Variants in MAVS observed in about 807,000 individuals in gnomAD.
MAVS encodes mitochondrial antiviral-signaling protein.
A neutral mutation model predicts 30.2 loss-of-function variants in MAVS; 20 were observed. The observed-to-expected ratio is 0.66, with a 90% CI of 0.47 to 0.96. The LOEUF (loss-of-function observed/expected upper bound fraction) is 0.96. Among genes scored for constraint, MAVS ranks in the 40% least tolerant of loss-of-function variants. The pLI is 0.00. For synonymous variants in MAVS, 278 were observed against 293.9 expected (o/e 0.95, Z 0.55); for missense variants, 624 against 701.1 (o/e 0.89, Z 1.24).
rs1328543691 is a variant in MAVS, at chr20:3,869,598, A to G, written c.*3451A>G. On this transcript the variant is annotated 3_prime_UTR_variant, in exon 7 of 7. Transcript: ENST00000428216. ...TGAGACACTGCACCCAAACCCCACC[A>G]CTTTTTTTTTTCCTTTTTCTTTTTT... The G allele has an allele frequency of 1.4e-5, 2 of 146,456 alleles. No homozygotes were observed. Among genetic ancestry groups the G allele is most frequent in the African/African-American group, 2.5e-5 (1 of 39,786 alleles). The allele number at this position is 146,456 out of a possible 1,614,324, so 9.1% of individuals were successfully genotyped here.
At chr20:3,859,918 G>A (rs567584261) in intron 3 of MAVS, among the ~76,000 whole-genome samples, 2 of 151,754 alleles carry the variant, frequency 1.3e-5, no homozygotes, top group East Asian at 2.0e-4. Flanking sequence ...CCGGGTTCAC[G>A]CCATTCTCCT....
At chr20:3,848,156 G>A (rs2089724340) in intron 1 of MAVS, among the ~76,000 whole-genome samples, 1 of 151,946 alleles carries the variant, frequency 6.6e-6, no homozygotes, top group Non-Finnish European at 1.5e-5. Flanking sequence ...CTGGAGCGCA[G>A]TGGTCCAATC....
Position 3,875,475 on chromosome 20 carries a change from T to TA in MAVS, c.*9342dup, listed in dbSNP as rs5840016. Reference sequence around the variant, plus strand: ...CTACTTCTTCAGTGCTGTTTTTATTTAAAAAAAAAAAAAACCAGCCAAAAC... The same window carrying TA: ...CTACTTCTTCAGTGCTGTTTTTATTTAAAAAAAAAAAAAAACCAGCCAAAAC... On this transcript the variant is annotated 3_prime_UTR_variant, in exon 7 of 7. Transcript: ENST00000428216. 70,253 of 145,604 alleles carry TA rather than the reference T, an allele frequency of 0.48. 18,775 individuals carry two copies. Among genetic ancestry groups the TA allele is most frequent in the Non-Finnish European group, 0.61 (40,914 of 66,664 alleles). The allele number at this position is 145,604 out of a possible 1,614,324, so 9.0% of individuals were successfully genotyped here. A position where few individuals can be genotyped will look rare whatever the true frequency, so the allele number is the denominator to read the frequency against.
rs2089982079 is a variant in MAVS, at chr20:3,875,186, G to A, written c.*9039G>A. 1 of 152,198 alleles carries A rather than the reference G, an allele frequency of 6.6e-6. No individual in the cohort carries two copies. Among genetic ancestry groups the A allele is most frequent in the Non-Finnish European group, 1.5e-5 (1 of 68,050 alleles). 9.4% of individuals were successfully genotyped at this position (152,198 alleles called of 1,614,324 possible). On this transcript the variant is annotated 3_prime_UTR_variant, in exon 7 of 7. Coordinates refer to ENST00000428216, the MANE Select transcript of MAVS (RefSeq NM_020746.5). ...CCCAGTGATTCAGGAGACTGAGGTG[G>A]GAGGATTGCTAGAAGCCAGGAGTTC...
At chr20:3,861,822 C>T (rs1054850849) in intron 4 of MAVS, among the ~76,000 whole-genome samples, 1 of 152,054 alleles carries the variant, frequency 6.6e-6, no homozygotes, top group African/African-American at 2.4e-5. Flanking sequence ...GATCTTGGCT[C>T]ACTGCAACCT....
chr20:3,859,916 A>T (rs1271030692), intron 3 of MAVS, among the ~76,000 whole-genome samples: 1 of 151,392 alleles, frequency 6.6e-6, no homozygotes, highest in Admixed American at 6.6e-5. Context: ...TCCCGGGTTC[A>T]CGCCATTCTC....
chr20:3,850,988 C>T (rs1455799085), intron 1 of MAVS, among the ~76,000 whole-genome samples: 1 of 151,842 alleles, frequency 6.6e-6, no homozygotes, highest in Non-Finnish European at 1.5e-5. Flanking sequence ...AGTTCGAGAC[C>T]AGCCTGGCCA....
intron 1 of MAVS, among the ~76,000 whole-genome samples, chr20:3,850,073 T>C: frequency 6.9e-6 from 1 of 145,976 alleles, no homozygotes; most frequent in East Asian, 2.1e-4. Flanking sequence ...GGTCAGGAGA[T>C]CGAGACCATC....
At chr20:3,863,221 G>C (rs2089879752) in intron 5 of MAVS, among the ~76,000 whole-genome samples, 1 of 152,138 alleles carries the variant, frequency 6.6e-6, no homozygotes, top group Non-Finnish European at 1.5e-5. Flanking sequence ...CCAGTGGCCT[G>C]GACTCAACTC....
intron 3 of MAVS, among the ~76,000 whole-genome samples, chr20:3,860,473 C>G (rs2089857205): frequency 6.7e-6 from 1 of 149,852 alleles, no homozygotes; most frequent in Non-Finnish European, 1.5e-5. Flanking sequence ...TTCCCAGGTT[C>G]AAGCAATTCT....
At chr20:3,848,386 A>C (rs146593300) in intron 1 of MAVS, among the ~76,000 whole-genome samples, 53 of 152,286 alleles carry the variant, frequency 3.5e-4, no homozygotes, top group African/African-American at 1.2e-3. Context: ...GGCGTGAGCC[A>C]CCGCGCCCGG....
At chr20:3,853,558 C>T (rs1486146454) in intron 1 of MAVS, among the ~76,000 whole-genome samples, 1 of 151,706 alleles carries the variant, frequency 6.6e-6, no homozygotes, top group South Asian at 2.1e-4. Flanking sequence ...ACTTGACAGG[C>T]GGAGGCAGGG....
intron 3 of MAVS, 104 bp from the exon 4 acceptor site, chr20:3,861,228 C>T (rs1276153701): frequency 1.4e-5 from 15 of 1,100,272 alleles, no homozygotes; most frequent in South Asian, 7.6e-5. Flanking sequence ...GATCTGACCT[C>T]GTGATCTGCC....
intron 3 of MAVS, among the ~76,000 whole-genome samples, chr20:3,859,702 C>G (rs958009322): frequency 6.6e-6 from 1 of 151,922 alleles, no homozygotes; most frequent in Non-Finnish European, 1.5e-5. Flanking sequence ...ACTGCTGACA[C>G]GGCGTGGGTG....
chr20:3,853,212 C>T (rs563323915), intron 1 of MAVS, among the ~76,000 whole-genome samples: 43 of 144,772 alleles, frequency 3.0e-4, no homozygotes, highest in East Asian at 9.0e-4. Context: ...GGCGGCCGGG[C>T]GCGGTGGCTC....
intron 1 of MAVS, among the ~76,000 whole-genome samples, chr20:3,853,252 C>T (rs1224630465): frequency 2.7e-5 from 4 of 149,644 alleles, no homozygotes; most frequent in South Asian, 2.1e-4. Context: ...TTTGGGAGGC[C>T]GAGGCGGGCG....
At position 3,868,431 on chromosome 20, in the gene MAVS, T is replaced by C. The variant is rs1191565867; in HGVS notation, c.*2284T>C. The C allele has an allele frequency of 1.3e-5, 2 of 152,078 alleles. No individual in the cohort carries two copies. The highest frequency in any genetic ancestry group is 4.8e-5 in the African/African-American group (2 of 41,378). The allele number at this position is 152,078 out of a possible 1,614,324, so 9.4% of individuals were successfully genotyped here. On this transcript the variant is annotated 3_prime_UTR_variant, in exon 7 of 7. Transcript: ENST00000428216. ...GGGCAGATCGCCTGAGGTCTGGAGT[T>C]CAAGACCAGCCTGGCCAACAGGGTG... is the stretch of plus-strand genomic sequence containing the variant.
At chr20:3,857,935 A>G (rs762076147) in intron 3 of MAVS, 126 bp downstream of exon 3, 1 of 1,105,438 alleles carries the variant, frequency 9.0e-7, no homozygotes, top group East Asian at 2.5e-5. Flanking sequence ...GAAGCGATGA[A>G]TAAACCTGGG....
intron 1 of MAVS, among the ~76,000 whole-genome samples, chr20:3,852,060 T>G (rs112081544): frequency 0.061 from 8,674 of 142,646 alleles, 849 homozygotes; most frequent in African/African-American, 0.22. Flanking sequence ...AGTGGCGCAA[T>G]CTTGGCTCAC....
Sources: gnomAD v4.1 joint callset for allele counts (sites outside exome capture counted in the v4.1 genomes callset) on GRCh38, gnomAD v4.1.1 for gene constraint, MANE v1.5 for transcripts, NCBI Gene and HGNC (gene_info 2026-07-23, HGNC 2026-07-21) for gene names.